DACH1: variants seen among roughly 807,000 people sequenced by gnomAD.
DACH1 encodes dachshund family transcription factor 1, also known as dachshund homolog 1.
In DACH1, 12 loss-of-function variants were observed where a neutral mutation model predicts 54.2. That is an observed-to-expected ratio of 0.22 (90% confidence interval 0.14 to 0.36). The LOEUF (loss-of-function observed/expected upper bound fraction) is 0.36, where lower values mean the gene tolerates loss of function less well. Among genes scored for constraint, DACH1 ranks in the 10% least tolerant of loss-of-function variants. The pLI is 1.00. For synonymous variants in DACH1, 386 were observed against 366.2 expected, an observed-to-expected ratio of 1.05 and a Z score of -0.62; for missense variants, 805 against 929.8, an observed-to-expected ratio of 0.87 and a Z score of 1.75.
In DACH1 at chr13:71,816,615, TACACGTGTATATATAC is replaced by T. The variant is rs1566519321; in HGVS notation, c.848+49291_848+49306del. Among the ~76,000 whole-genome samples the T allele has an allele frequency of 4.8e-4, 44 of 91,522 alleles. 2 individuals carry two copies. In the East Asian group the frequency reaches 5.0e-3, roughly 10 times the overall value. The allele number at this position is 91,522 out of a possible 152,430, so 60.0% of individuals were successfully genotyped here. ...ATACACACATATGTGTGTATATATA[TACACGTGTATATATAC>T]ACACACATATGTGTGTATATATATA... On this transcript the variant is annotated intron_variant, in intron 1 of 10. Coordinates refer to ENST00000613252, the MANE Select transcript of DACH1 (RefSeq NM_080759.6).
chr13:71,802,433 ATATT>A (rs1461410015), intron 1 of DACH1, among the ~76,000 whole-genome samples: 1 of 152,090 alleles, frequency 6.6e-6, no homozygotes, highest in Non-Finnish European at 1.5e-5. Flanking sequence ...TAAATAAAGC[ATATT>A]TAATCTGTTC....
At chr13:71,547,626 A>G (rs372756705) in intron 6 of DACH1, among the ~76,000 whole-genome samples, 2 of 152,278 alleles carry the variant, frequency 1.3e-5, no homozygotes, top group East Asian at 3.9e-4. Flanking sequence ...AAGTGGTAGT[A>G]AGCAAGGAAA....
chr13:71,590,247 A>G (rs576941111), intron 3 of DACH1, among the ~76,000 whole-genome samples: 3 of 152,248 alleles, frequency 2.0e-5, no homozygotes, highest in African/African-American at 7.2e-5. Flanking sequence ...CCAAGTCTCT[A>G]TATCATGAAT....
chr13:71,797,496 T>C (rs1887105255), intron 1 of DACH1, among the ~76,000 whole-genome samples: 1 of 152,162 alleles, frequency 6.6e-6, no homozygotes, highest in African/African-American at 2.4e-5. Context: ...TTTCAGTTCA[T>C]CTAATAAGTA....
At chr13:71,582,941 C>A (rs1331482031) in intron 3 of DACH1, among the ~76,000 whole-genome samples, 6 of 152,080 alleles carry the variant, frequency 3.9e-5, no homozygotes, top group Non-Finnish European at 8.8e-5. Context: ...AAAATACAAG[C>A]ACTCATTTTT....
chr13:71,593,501 T>G (rs934962680), intron 3 of DACH1, among the ~76,000 whole-genome samples: 6 of 152,108 alleles, frequency 3.9e-5, no homozygotes, highest in Non-Finnish European at 8.8e-5. Flanking sequence ...TCAATAATAC[T>G]CCCAGTGGCA....
chr13:71,659,618 A>C (rs1025036298), intron 2 of DACH1, among the ~76,000 whole-genome samples: 1 of 152,158 alleles, frequency 6.6e-6, no homozygotes, highest in Non-Finnish European at 1.5e-5. Context: ...AAAAATCTTA[A>C]ACCTGCTGTA....
At chr13:71,562,532 A>G (rs1375509873) in intron 4 of DACH1, among the ~76,000 whole-genome samples, 1 of 152,132 alleles carries the variant, frequency 6.6e-6, no homozygotes, top group African/African-American at 2.4e-5. Context: ...CTACAGAAAG[A>G]TGGCATCCAA....
intron 2 of DACH1, among the ~76,000 whole-genome samples, chr13:71,645,196 G>A (rs1217398252): frequency 6.6e-6 from 1 of 152,144 alleles, no homozygotes; most frequent in Non-Finnish European, 1.5e-5. Flanking sequence ...TGTCGGAAGA[G>A]CAATTGATAA....
intron 2 of DACH1, among the ~76,000 whole-genome samples, chr13:71,673,381 C>G (rs1765172966): frequency 1.3e-5 from 2 of 151,848 alleles, no homozygotes. Flanking sequence ...TGTAGTTCAT[C>G]ATAACAAGAG....
At chr13:71,461,463 T>C (rs945567306) in intron 10 of DACH1, among the ~76,000 whole-genome samples, 2 of 152,000 alleles carry the variant, frequency 1.3e-5, no homozygotes, top group African/African-American at 2.4e-5. Context: ...TCAGAGAACA[T>C]AAATAAGCCC....
chr13:71,698,356 T>C (rs1881938851), intron 1 of DACH1, among the ~76,000 whole-genome samples: 1 of 152,116 alleles, frequency 6.6e-6, no homozygotes, highest in Non-Finnish European at 1.5e-5. Context: ...AAATATAAAA[T>C]ATCATACTTT....
At chr13:71,822,390 T>C (rs1888226879) in intron 1 of DACH1, among the ~76,000 whole-genome samples, 1 of 152,166 alleles carries the variant, frequency 6.6e-6, no homozygotes, top group Admixed American at 6.5e-5. Flanking sequence ...TTAGATTCCT[T>C]CCTAATACAT....
chr13:71,787,911 A>G (rs1438706503), intron 1 of DACH1, among the ~76,000 whole-genome samples: 2 of 152,172 alleles, frequency 1.3e-5, no homozygotes, highest in Non-Finnish European at 2.9e-5. Context: ...CAAAAGATAA[A>G]TGTTTAGGAG....
chr13:71,774,030 C>A (rs927005801), intron 1 of DACH1, among the ~76,000 whole-genome samples: 2 of 150,800 alleles, frequency 1.3e-5, no homozygotes, highest in Non-Finnish European at 3.0e-5. Flanking sequence ...TTAGCTGCTC[C>A]AATGTCAAAG....
At chr13:71,598,406 C>G (rs1380006974) in intron 3 of DACH1, among the ~76,000 whole-genome samples, 1 of 152,008 alleles carries the variant, frequency 6.6e-6, no homozygotes, top group African/African-American at 2.4e-5. Flanking sequence ...AGCCATGCGC[C>G]ACCACGCCCG....
At chr13:71,674,815 A>C (rs1266458142) in intron 2 of DACH1, among the ~76,000 whole-genome samples, 2 of 152,162 alleles carry the variant, frequency 1.3e-5, no homozygotes, top group Admixed American at 1.3e-4. Context: ...ATACCCTTTA[A>C]TTTTTCTCTT....
At chr13:71,818,354 T>C (rs1180993081) in intron 1 of DACH1, among the ~76,000 whole-genome samples, 1 of 152,040 alleles carries the variant, frequency 6.6e-6, no homozygotes, top group East Asian at 1.9e-4. Flanking sequence ...ATTTGCATAA[T>C]GAAAAAACAG....
At position 71,866,433 on chromosome 13, in the gene DACH1, T is replaced by A. The variant is rs779111419; in HGVS notation, c.337A>T (p.Asn113Tyr). ...CCGCCGCCGCCGCCGCCGCTGCCGT[T>A]GCTCGCGGCCGCCAGGTTGGGGTTG... ...NCNPNLAAAS[N>Y]GSGGGGGGIS... The change falls in exon 1 of 11, where the codon AAC (asparagine) becomes TAC (tyrosine). Residue 113 changes from asparagine (N) to tyrosine (Y), a missense_variant. Physicochemically the swap from Asn to Tyr is moderately radical, Grantham distance 143. Around this residue, in one of 3 missense-constraint regions of DACH1, gnomAD observed 305 missense variants for 308.7 expected, o/e 0.99. Transcript: ENST00000613252. The A allele has an allele frequency of 1.5e-6, 2 of 1,367,612 alleles. No homozygotes were observed. The highest frequency in any genetic ancestry group is 1.5e-5 in the South Asian group (1 of 68,796). The allele number at this position is 1,367,612 out of a possible 1,614,324, so 84.7% of individuals were successfully genotyped here.
Sources: allele counts gnomAD v4.1 joint callset (sites outside exome capture counted in the v4.1 genomes callset), GRCh38; gene constraint gnomAD v4.1.1; regional missense constraint gnomAD v4.1.1; transcripts MANE v1.5; gene names NCBI Gene and HGNC (gene_info 2026-07-23, HGNC 2026-07-21).